NR5A1: variants seen among roughly 807,000 people sequenced by gnomAD.
The protein encoded by NR5A1 is nuclear receptor subfamily 5 group A member 1, also known as steroidogenic factor 1.
A neutral mutation model predicts 42.7 loss-of-function variants in NR5A1; 6 were observed. That is an observed-to-expected ratio of 0.14 (90% CI 0.08 to 0.28). NR5A1 has a LOEUF of 0.28. NR5A1 is among the 10% of genes least tolerant of loss of function. The pLI, the probability that NR5A1 is intolerant of heterozygous loss-of-function variation, is 1.00. For synonymous variants in NR5A1, 274 were observed against 277.5 expected (o/e 0.99, Z 0.12); for missense variants, 442 against 626.4 (o/e 0.71, Z 3.14).
chr9:124,492,225 A>T, intron 5 of NR5A1, among the ~76,000 whole-genome samples: 1 of 147,270 alleles, frequency 6.8e-6, no homozygotes, highest in Non-Finnish European at 1.5e-5. Context: ...CTGGCCATCA[A>T]CCCCCTTCTC....
At chr9:124,502,624 G>C (rs1046552339) in intron 3 of NR5A1, among the ~76,000 whole-genome samples, 1 of 152,230 alleles carries the variant, frequency 6.6e-6, no homozygotes, top group East Asian at 1.9e-4. Flanking sequence ...CGCTCCATCC[G>C]GCCAAGCCCA....
At chr9:124,494,537 T>C (rs776858793) in intron 4 of NR5A1, among the ~76,000 whole-genome samples, 1 of 152,194 alleles carries the variant, frequency 6.6e-6, no homozygotes, top group Non-Finnish European at 1.5e-5. Flanking sequence ...TCTTCACCAA[T>C]ACCTGTGAGG....
intron 6 of NR5A1, 113 bp from the exon 7 acceptor site, chr9:124,483,118 T>A (rs1370834487): frequency 6.3e-7 from 1 of 1,596,972 alleles, no homozygotes; most frequent in African/African-American, 1.3e-5. Context: ...ATCAAAGACA[T>A]GGGCATTGCT....
intron 6 of NR5A1, 45 bp downstream of exon 6, chr9:124,491,036 C>CCCCCCCCCA: frequency 7.1e-7 from 1 of 1,401,596 alleles, no homozygotes; most frequent in African/African-American, 1.4e-5. Flanking sequence ...CCCACCCACC[C>CCCCCCCCCA]GCCTCTGGCT....
intron 6 of NR5A1, among the ~76,000 whole-genome samples, chr9:124,490,424 G>A (rs892137061): frequency 2.6e-5 from 4 of 152,070 alleles, no homozygotes; most frequent in Admixed American, 1.3e-4. Flanking sequence ...GGAGGGCAAC[G>A]GGAAGGAGAC....
chr9:124,506,642 C>T (rs776588110), intron 1 of NR5A1, among the ~76,000 whole-genome samples: 1 of 152,202 alleles, frequency 6.6e-6, no homozygotes, highest in Non-Finnish European at 1.5e-5. Context: ...TATCTCCAAT[C>T]CCCTCTCCCC....
intron 6 of NR5A1, among the ~76,000 whole-genome samples, chr9:124,488,544 T>C (rs1328207851): frequency 6.6e-6 from 1 of 152,244 alleles, no homozygotes; most frequent in Non-Finnish European, 1.5e-5. Flanking sequence ...ATTCATTCAC[T>C]TCATTCTTTC....
In NR5A1 at chr9:124,496,844, C is replaced by T. The variant is rs949685535; in HGVS notation, c.870+3246G>A. ...GCACTCCTGGCCCCCACCGTCCCCC[C>T]GGGTCCTCCCTTGCATCCTCCCAGC... is the stretch of plus-strand genomic sequence containing the variant. On this transcript the variant is annotated intron_variant, in intron 4 of 6. Transcript: ENST00000373588. The surrounding 1 kb of genome is among the most constrained non-coding windows in gnomAD (Gnocchi z 5.0). Among the ~76,000 whole-genome samples the T allele has an allele frequency of 1.3e-5, 2 of 152,222 alleles. No individual in the cohort carries two copies. Among genetic ancestry groups the T allele is most frequent in the East Asian group, 1.9e-4 (1 of 5,198 alleles).
At chr9:124,504,037 AGAGAGAGAGAGAGAC>A (rs1451940418) in intron 1 of NR5A1, among the ~76,000 whole-genome samples, 89 of 133,386 alleles carry the variant, frequency 6.7e-4, no homozygotes, top group African/African-American at 3.2e-3. Context: ...AGAGAGAGAG[AGAGAGAGAGAGAGAC>A]GAGAGAGAGA....
chr9:124,497,394 A>T (rs1192168740), intron 4 of NR5A1, among the ~76,000 whole-genome samples: 1 of 152,152 alleles, frequency 6.6e-6, no homozygotes, highest in Non-Finnish European at 1.5e-5. Context: ...TATCGAATCT[A>T]CCATGCTGGG....
intron 6 of NR5A1, among the ~76,000 whole-genome samples, chr9:124,488,510 C>T (rs1832256455): frequency 6.6e-6 from 1 of 152,238 alleles, no homozygotes; most frequent in Non-Finnish European, 1.5e-5. Flanking sequence ...CACAATGATA[C>T]AGATGGAGAC....
chr9:124,484,874 G>C (rs1206854069), intron 6 of NR5A1, among the ~76,000 whole-genome samples: 1 of 152,224 alleles, frequency 6.6e-6, no homozygotes, highest in Non-Finnish European at 1.5e-5. Context: ...CCTTTGGGGA[G>C]GGGTGGAGGG....
In NR5A1 at chr9:124,481,257, A is replaced by C. The variant is rs1372933291; in HGVS notation, c.*1501T>G. 2.0e-5 allele frequency: 3 copies of C among 151,836 alleles called. No individual in the cohort carries two copies. Among genetic ancestry groups the C allele is most frequent in the African/African-American group, 7.3e-5 (3 of 41,246 alleles). 9.4% of individuals were successfully genotyped at this position (151,836 alleles called of 1,614,324 possible). A position where few individuals can be genotyped will look rare whatever the true frequency, so the allele number is the denominator to read the frequency against. On this transcript the variant is annotated 3_prime_UTR_variant, in exon 7 of 7. Transcript: ENST00000373588. Reference sequence around the variant, plus strand: ...TAGCTGGAAACTAATTGCGAAATTTATTCCAGGGCTGTGGGGGCTGGGGTG... The same window carrying C: ...TAGCTGGAAACTAATTGCGAAATTTCTTCCAGGGCTGTGGGGGCTGGGGTG...
chr9:124,494,220 T>C (rs1422366752), intron 4 of NR5A1, among the ~76,000 whole-genome samples: 1 of 152,042 alleles, frequency 6.6e-6, no homozygotes, highest in East Asian at 1.9e-4. Flanking sequence ...CCATGACAGC[T>C]GACAGTCATT....
At chr9:124,484,013 C>A (rs780547747) in intron 6 of NR5A1, among the ~76,000 whole-genome samples, 4 of 152,190 alleles carry the variant, frequency 2.6e-5, no homozygotes, top group Non-Finnish European at 5.9e-5. Flanking sequence ...ACCTGCTGCA[C>A]ATCACAGCCT....
chr9:124,504,441 C>T (rs1832519867), intron 1 of NR5A1, among the ~76,000 whole-genome samples: 1 of 151,980 alleles, frequency 6.6e-6, no homozygotes, highest in South Asian at 2.1e-4. Context: ...GGACCCCCTC[C>T]CCGGGGGAGA....
intron 6 of NR5A1, among the ~76,000 whole-genome samples, chr9:124,488,480 G>A (rs1169635248): frequency 6.6e-6 from 1 of 152,238 alleles, no homozygotes; most frequent in African/African-American, 2.4e-5. Flanking sequence ...CTGTGCCCAA[G>A]GATAAGGCAC....
In NR5A1 at chr9:124,503,225, G is replaced by A. The variant is rs1832494838; in HGVS notation, c.103-5C>T. On this transcript the variant is annotated splice_polypyrimidine_tract_variant and splice_region_variant and intron_variant, in intron 2 of 6. Transcript: ENST00000373588. This position sits in a 1 kb window ranked among gnomAD's most constrained non-coding sequence, Gnocchi z 9.6. ...CACCGTGCGCTTGAAGAAGCCCTGC[G>A]GGAGCTGAGAGTCAGCGAGGCCCCG... The A allele has an allele frequency of 6.9e-6, 11 of 1,604,424 alleles. No individual in the cohort carries two copies. In the East Asian group the frequency reaches 1.6e-4, roughly 23 times the overall value.
Position 124,500,258 on chromosome 9 carries a change from C to T in NR5A1, c.702G>A (p.Glu234=). Residue 234 remains glutamate, a synonymous_variant, in exon 4 of 7, where the codon GAG becomes GAA. Transcript: ENST00000373588. The surrounding 1 kb of genome is among the most constrained non-coding windows in gnomAD (Gnocchi z 6.9). ...GGGCCCGCACCTGGTCCTCATCCGG[C>T]TCCAGCTGCAGCAGCTGCAGGATGA... is the stretch of plus-strand genomic sequence containing the variant. ...PELILQLLQL[E]PDEDQVRARI... 6.3e-7 allele frequency: 1 copy of T among 1,594,690 alleles called. No homozygotes were observed. The highest frequency in any genetic ancestry group is 1.7e-4 in the Middle Eastern group (1 of 6,016).
Sources: allele counts gnomAD v4.1 joint callset (sites outside exome capture counted in the v4.1 genomes callset), GRCh38; gene constraint gnomAD v4.1.1; non-coding constraint Gnocchi (gnomAD v3.1); transcripts MANE v1.5; gene names NCBI Gene and HGNC (gene_info 2026-07-23, HGNC 2026-07-21).